Variants in S1PR2 observed in about 807,000 individuals in gnomAD.
S1PR2 encodes sphingosine 1-phosphate receptor 2.
In S1PR2, 9 loss-of-function variants were observed where a neutral mutation model predicts 16.1. That is an observed-to-expected ratio of 0.56 (90% CI 0.34 to 0.98). The LOEUF is 0.98. Ranked by LOEUF, S1PR2 falls within the 50% of genes least tolerant of loss-of-function variation. The pLI is 0.02. For missense variants in S1PR2, 361 were observed against 488.4 expected (o/e 0.74, Z 2.46); for synonymous variants, 224 against 233.9 (o/e 0.96, Z 0.38).
At chr19:10,229,659 CT>C (rs1207983356) in intron 1 of S1PR2, among the ~76,000 whole-genome samples, 2 of 152,138 alleles carry the variant, frequency 1.3e-5, no homozygotes, top group African/African-American at 4.8e-5. Context: ...ACAGTTCCCC[CT>C]GGTCACCCAT....
Position 10,223,579 on chromosome 19 carries a change from G to C in S1PR2, c.*265C>G. ...CCTGCCCTCACCCTGGCTCTTCACA[G>C]GTCCCCTGCCCTGGCCTCCCCAGGA... On this transcript the variant is annotated 3_prime_UTR_variant, in exon 2 of 2. Coordinates refer to ENST00000646641, the MANE Select transcript of S1PR2 (RefSeq NM_004230.4). 1 of 445,228 alleles carries C rather than the reference G, an allele frequency of 2.2e-6. No individual in the cohort carries two copies. 27.6% of individuals were successfully genotyped at this position (445,228 alleles called of 1,614,324 possible).
In S1PR2 at chr19:10,224,860, C is replaced by G. The variant is rs763178672; in HGVS notation, c.46G>C (p.Glu16Gln). ...GTCTCCTTGGTATAATTATAGTGTTCCTGGACCTTGTTGGGGTTCAGGTAC... is the reference window on the plus strand; with the variant it reads ...GTCTCCTTGGTATAATTATAGTGTTGCTGGACCTTGTTGGGGTTCAGGTAC... The part of the protein sequence containing the change: ...SEYLNPNKVQ[E>Q]HYNYTKETLE... The change falls in exon 2 of 2, where the codon GAA (glutamate) becomes CAA (glutamine). Residue 16 changes from glutamate to glutamine, a missense_variant. Physicochemically the swap from Glu to Gln is conservative, Grantham distance 29. Coordinates refer to ENST00000646641, the MANE Select transcript of S1PR2 (RefSeq NM_004230.4). 2 of 1,613,786 alleles carry G rather than the reference C, an allele frequency of 1.2e-6. No individual in the cohort carries two copies. Among genetic ancestry groups the G allele is most frequent in the Non-Finnish European group, 1.7e-6 (2 of 1,180,010 alleles).
intron 1 of S1PR2, among the ~76,000 whole-genome samples, chr19:10,229,295 A>ATT (rs923300373): frequency 2.0e-5 from 3 of 146,812 alleles, no homozygotes; most frequent in African/African-American, 7.5e-5. Flanking sequence ...CAAAAAAAAA[A>ATT]TTTTTTTTTT....
chr19:10,227,737 C>A (rs62128726), intron 1 of S1PR2, among the ~76,000 whole-genome samples: 36 of 152,134 alleles, frequency 2.4e-4, no homozygotes, highest in Middle Eastern at 3.4e-3. Context: ...CCAGCCCTAC[C>A]GATGGGGTCC....
At chr19:10,230,467 C>G (rs957073859) in intron 1 of S1PR2, 1 of 154,542 alleles carries the variant, frequency 6.5e-6, no homozygotes, top group African/African-American at 2.4e-5. Context: ...GTGGGCTCAG[C>G]GCGTGGGGCC....
chr19:10,224,536 G>A lies in S1PR2; in HGVS notation c.370C>T (p.Leu124=), dbSNP rs1208137151. 1.2e-6 allele frequency: 2 copies of A among 1,613,750 alleles called. No individual in the cohort carries two copies. The highest frequency in any genetic ancestry group is 1.7e-6 in the Non-Finnish European group (2 of 1,180,058). The change falls in exon 2 of 2, where the codon CTG becomes TTG. Residue 124 remains leucine, a synonymous_variant. Coordinates refer to ENST00000646641, the MANE Select transcript of S1PR2 (RefSeq NM_004230.4). ...ITLSASVFSL[L]AIAIERHVAI... ...ACGTGGCGCTCAATGGCGATGGCCA[G>A]GAGGCTGAAGACAGAGGCCGAGAGC...
chr19:10,229,148 C>G (rs2039653810), intron 1 of S1PR2, among the ~76,000 whole-genome samples: 1 of 152,058 alleles, frequency 6.6e-6, no homozygotes, highest in Non-Finnish European at 1.5e-5. Flanking sequence ...GTAGGATGGC[C>G]CCTGCCGATG....
intron 1 of S1PR2, among the ~76,000 whole-genome samples, chr19:10,229,280 T>C (rs755880089): frequency 1.8e-4 from 27 of 149,384 alleles, no homozygotes; most frequent in Non-Finnish European, 3.5e-4. Context: ...GCACACTCTT[T>C]TTCTCAAAAA....
At chr19:10,229,069 G>T (rs535277682) in intron 1 of S1PR2, among the ~76,000 whole-genome samples, 74 of 152,110 alleles carry the variant, frequency 4.9e-4, no homozygotes, top group Non-Finnish European at 1.8e-4. Flanking sequence ...CAGCCAGGGG[G>T]AGCTTTTAAA....
chr19:10,230,803 A>T (rs2039671030), intron 1 of S1PR2, among the ~76,000 whole-genome samples: 2 of 152,260 alleles, frequency 1.3e-5, no homozygotes, highest in South Asian at 2.1e-4. Flanking sequence ...CTTGGCTTGG[A>T]GGCTCCACGG....
At position 10,221,792 on chromosome 19, in the gene S1PR2, A is replaced by ACG. The variant is rs927500038; in HGVS notation, c.*2050_*2051dup. ...TCACAGACATCACGCCTATGTGCAC[A>ACG]CGCGCGCGCGCACACACATACACAC... is the stretch of plus-strand genomic sequence containing the variant. On this transcript the variant is annotated 3_prime_UTR_variant, in exon 2 of 2. Transcript: ENST00000646641. 5.9e-5 allele frequency: 9 copies of ACG among 152,502 alleles called. No homozygotes were observed. The highest frequency in any genetic ancestry group is 2.2e-4 in the African/African-American group (9 of 41,552). 9.4% of individuals were successfully genotyped at this position (152,502 alleles called of 1,614,324 possible). A position where few individuals can be genotyped will look rare whatever the true frequency, so the allele number is the denominator to read the frequency against.
intron 1 of S1PR2, among the ~76,000 whole-genome samples, chr19:10,230,864 T>TG (rs2145447561): frequency 1.3e-5 from 2 of 152,172 alleles, no homozygotes; most frequent in African/African-American, 2.4e-5. Flanking sequence ...GGAGGGGTGT[T>TG]GCCCCCCCCC....
chr19:10,229,312 CAG>C (rs768822440), intron 1 of S1PR2, among the ~76,000 whole-genome samples: 14 of 151,476 alleles, frequency 9.2e-5, no homozygotes, highest in Non-Finnish European at 1.6e-4. Context: ...TTTTTTGAGA[CAG>C]AGTCTCACTC....
In S1PR2 at chr19:10,224,345, GGC is replaced by G. The variant is rs1341340874; in HGVS notation, c.559_560del (p.Ala187GlnfsTer35). The G allele has an allele frequency of 6.2e-7, 1 of 1,614,126 alleles. No homozygotes were observed. The highest frequency in any genetic ancestry group is 1.1e-5 in the South Asian group (1 of 91,088). On this transcript the variant is annotated frameshift_variant, in exon 2 of 2. Coordinates refer to ENST00000646641, the MANE Select transcript of S1PR2 (RefSeq NM_004230.4). LOFTEE classifies it high-confidence loss of function. ...EACSTVLPLY[A>X]KHYVLCVVTI... is the part of the protein sequence containing the mutation. ...TCACCACGCACAGCACATAATGCTT[GGC>G]GTAGAGAGGCAGGACAGTGGAGCAG...
intron 1 of S1PR2, among the ~76,000 whole-genome samples, chr19:10,229,809 A>G (rs1425583449): frequency 6.6e-6 from 1 of 152,120 alleles, no homozygotes; most frequent in Non-Finnish European, 1.5e-5. Context: ...ATCTCGTTTT[A>G]TTATCTGCAC....
Position 10,224,465 on chromosome 19 carries a change from G to A in S1PR2, c.441C>T (p.Arg147=), listed in dbSNP as rs2039616945. Residue 147 remains arginine (R), a synonymous_variant, in exon 2 of 2, where the codon CGC becomes CGT. Transcript: ENST00000646641. ...VKLYGSDKSC[R]MLLLIGASWL... ...ACGAGGCCCCGATGAGCAGAAGCAT[G>A]CGGCAGCTCTTGTCGCTGCCATACA... is the stretch of plus-strand genomic sequence containing the variant. The A allele has an allele frequency of 3.7e-6, 6 of 1,613,782 alleles. No homozygotes were observed. The highest frequency in any genetic ancestry group is 1.7e-6 in the Non-Finnish European group (2 of 1,180,044).
rs1247412666 is a variant in S1PR2 at position 10,224,858 on chromosome 19, T to A, written c.48A>T (p.Glu16Asp). ...SEYLNPNKVQ[E>D]HYNYTKETLE... ...GCGTCTCCTTGGTATAATTATAGTGTTCCTGGACCTTGTTGGGGTTCAGGT... is the reference window on the plus strand; with the variant it reads ...GCGTCTCCTTGGTATAATTATAGTGATCCTGGACCTTGTTGGGGTTCAGGT... The change falls in exon 2 of 2, where the codon GAA becomes GAT. Residue 16 changes from glutamate (E) to aspartate (D), a missense_variant. Glu to Asp is a conservative substitution (Grantham distance 45). Coordinates refer to ENST00000646641, the MANE Select transcript of S1PR2 (RefSeq NM_004230.4). 6.2e-7 allele frequency: 1 copy of A among 1,613,860 alleles called. No homozygotes were observed. Among genetic ancestry groups the A allele is most frequent in the East Asian group, 2.2e-5 (1 of 44,894 alleles).
intron 1 of S1PR2, 127 bp downstream of exon 1, chr19:10,231,077 C>G (rs1461982389): frequency 6.6e-6 from 1 of 152,526 alleles, no homozygotes; most frequent in African/African-American, 2.4e-5. Context: ...CCACCCGCTC[C>G]GTGCAGCAGG....
At chr19:10,226,500 G>C (rs2145442785) in intron 1 of S1PR2, among the ~76,000 whole-genome samples, 1 of 152,336 alleles carries the variant, frequency 6.6e-6, no homozygotes, top group Non-Finnish European at 1.5e-5. Context: ...TTAGCTCATA[G>C]TAAGCACTCA....
Sources: allele counts gnomAD v4.1 joint callset (sites outside exome capture counted in the v4.1 genomes callset), GRCh38; gene constraint gnomAD v4.1.1; transcripts MANE v1.5; gene names NCBI Gene and HGNC (gene_info 2026-07-23, HGNC 2026-07-21).